The following SYNM variants were observed in gnomAD, a reference collection of about 807,000 sequenced individuals.
SYNM encodes desmuslin.
In SYNM, 95 loss-of-function variants were observed where a neutral mutation model predicts 104.0. That is an observed-to-expected ratio of 0.91 (90% confidence interval 0.77 to 1.08). The LOEUF (loss-of-function observed/expected upper bound fraction) is 1.08, where lower values mean the gene tolerates loss of function less well. SYNM is among the 50% of genes least tolerant of loss of function. The pLI is 0.00. For synonymous variants in SYNM, 918 were observed against 869.0 expected, an observed-to-expected ratio of 1.06 and a Z score of -0.99; for missense variants, 2,150 against 2,052.2, an observed-to-expected ratio of 1.05 and a Z score of -0.92.
chr15:99,139,025 A>AT, downstream of SYNM: 1 of 451,754 alleles, frequency 2.2e-6, no homozygotes, highest in Non-Finnish European at 4.1e-6. Flanking sequence ...GGCCACAGGG[A>AT]TTCCCGGGGC....
rs182920947 is a variant in SYNM, at chr15:99,126,213, G to A, written c.936-509G>A. On this transcript the variant is annotated intron_variant, in intron 2 of 3. Coordinates refer to ENST00000336292, the MANE Select transcript of SYNM (RefSeq NM_145728.3). ...AATGCAGTTTGAAACCACAGATGCA[G>A]TCTGGCTGCCTTATAAGTGTCAGTC... Among the ~76,000 whole-genome samples, 739 of 152,278 alleles carry A rather than the reference G, an allele frequency of 4.9e-3. 16 individuals carry two copies. Among genetic ancestry groups the A allele is most frequent in the Non-Finnish European group, 2.5e-3 (172 of 68,022 alleles).
chr15:99,131,127 A>T lies in SYNM; in HGVS notation c.2767A>T (p.Ile923Phe), dbSNP rs2067500722. 3.1e-6 allele frequency: 5 copies of T among 1,600,000 alleles called. No individual in the cohort carries two copies. Among genetic ancestry groups the T allele is most frequent in the Non-Finnish European group, 4.3e-6 (5 of 1,173,152 alleles). ...TGAATTTCATGCCGAACCCACAGTC[A>T]TTGAAAAAGAAATTAAAATACCCCA... The part of the protein sequence containing the change: ...SGEFHAEPTV[I>F]EKEIKIPHEF... The change falls in exon 4 of 4, where the codon ATT becomes TTT. Residue 923 changes from isoleucine (I) to phenylalanine (F), a missense_variant. Ile to Phe is a conservative substitution (Grantham distance 21). Transcript: ENST00000336292. This position sits in a 1 kb window ranked among gnomAD's most constrained non-coding sequence, Gnocchi z 4.3.
At position 99,105,957 on chromosome 15, in the gene SYNM, ACG is replaced by A; in HGVS notation, c.762_763del (p.Leu255AlafsTer19). The A allele has an allele frequency of 6.6e-7, 1 of 1,519,048 alleles. No individual in the cohort carries two copies. The highest frequency in any genetic ancestry group is 8.8e-7 in the Non-Finnish European group (1 of 1,139,642). 94.1% of individuals were successfully genotyped at this position (1,519,048 alleles called of 1,614,324 possible). On this transcript the variant is annotated frameshift_variant, in exon 1 of 4. Coordinates refer to ENST00000336292, the MANE Select transcript of SYNM (RefSeq NM_145728.3). LOFTEE classifies it high-confidence loss of function. ...GAGCAGCTGCGCGCGCGGCTGGAGG[ACG>A]CGCTGCTGCGGATGCGCGAGGAGTA...
chr15:99,130,112 CCAGGA>C lies in SYNM; in HGVS notation c.1756_1760del (p.Asp586LysfsTer22). 6.2e-7 allele frequency: 1 copy of C among 1,613,824 alleles called. No individual in the cohort carries two copies. Among genetic ancestry groups the C allele is most frequent in the Non-Finnish European group, 8.5e-7 (1 of 1,179,876 alleles). On this transcript the variant is annotated frameshift_variant, in exon 4 of 4. Transcript: ENST00000336292. LOFTEE classifies it high-confidence loss of function. ...AGGTGCCGATTAGTCTAGAAGTATC[CCAGGA>C]CAGAAGAGCAGAGGTGTCCCCGAAA...
rs1555485761 is a variant in SYNM, at chr15:99,131,152, A to C, written c.2792A>C (p.His931Pro). The C allele has an allele frequency of 1.2e-6, 2 of 1,601,710 alleles. No individual in the cohort carries two copies. Among genetic ancestry groups the C allele is most frequent in the African/African-American group, 2.7e-5 (2 of 74,592 alleles). The change falls in exon 4 of 4, where the codon CAC (histidine) becomes CCC (proline). Residue 931 changes from histidine (H) to proline (P), a missense_variant. By Grantham distance (77) the His-to-Pro change is moderately conservative (BLOSUM62 -2). Coordinates refer to ENST00000336292, the MANE Select transcript of SYNM (RefSeq NM_145728.3). The surrounding 1 kb of genome is among the most constrained non-coding windows in gnomAD (Gnocchi z 4.3). ...TVIEKEIKIP[H>P]EFHTSMKGIS... ...ATTGAAAAAGAAATTAAAATACCCCACGAATTCCACACCTCCATGAAGGGC... is the reference window on the plus strand; with the variant it reads ...ATTGAAAAAGAAATTAAAATACCCCCCGAATTCCACACCTCCATGAAGGGC...
Position 99,135,015 on chromosome 15 carries a change from CCTGT to C in SYNM, c.*1961_*1964del, listed in dbSNP as rs1355890469. The C allele has an allele frequency of 6.6e-6, 1 of 152,304 alleles. No individual in the cohort carries two copies. Among genetic ancestry groups the C allele is most frequent in the Non-Finnish European group, 1.5e-5 (1 of 68,036 alleles). 9.4% of individuals were successfully genotyped at this position (152,304 alleles called of 1,614,324 possible). A position where few individuals can be genotyped will look rare whatever the true frequency, so the allele number is the denominator to read the frequency against. ...GAGAATTTGGTCAAGGTGACAGCCT[CCTGT>C]CTGATGACAGGACAGACTGGTGGTG... On this transcript the variant is annotated 3_prime_UTR_variant, in exon 4 of 4. Coordinates refer to ENST00000336292, the MANE Select transcript of SYNM (RefSeq NM_145728.3).
intron 2 of SYNM, among the ~76,000 whole-genome samples, chr15:99,120,818 C>T (rs912494031): frequency 5.7e-4 from 86 of 152,124 alleles, no homozygotes; most frequent in African/African-American, 2.0e-3. Flanking sequence ...TGTGAGCAGA[C>T]ACAGAGGAGA....
chr15:99,130,089 G>T lies in SYNM; in HGVS notation c.1729G>T (p.Val577Leu), dbSNP rs782517714. The change falls in exon 4 of 4, where the codon GTG (valine) becomes TTG (leucine). Residue 577 changes from valine (V) to leucine (L), a missense_variant. Coordinates refer to ENST00000336292, the MANE Select transcript of SYNM (RefSeq NM_145728.3). ...PKEKSVREREVPISLEVSQDR... is the reference protein window; with the variant it reads ...PKEKSVRERELPISLEVSQDR... ...GGAGAAGAGCGTGCGAGAGAGAGAG[G>T]TGCCGATTAGTCTAGAAGTATCCCA... The T allele has an allele frequency of 6.2e-7, 1 of 1,613,892 alleles. No homozygotes were observed. The highest frequency in any genetic ancestry group is 2.2e-5 in the East Asian group (1 of 44,876).
chr15:99,114,193 G>T (rs1555483694), intron 2 of SYNM, among the ~76,000 whole-genome samples: 4 of 152,176 alleles, frequency 2.6e-5, no homozygotes, highest in African/African-American at 9.7e-5. Context: ...ATTCCGCAGG[G>T]CTGGGGAGGC....
rs1017724339 is a variant in SYNM, at chr15:99,132,297, A to G, written c.3937A>G (p.Ile1313Val). 3.1e-6 allele frequency: 5 copies of G among 1,610,720 alleles called. No individual in the cohort carries two copies. Among genetic ancestry groups the G allele is most frequent in the Non-Finnish European group, 4.2e-6 (5 of 1,177,486 alleles). Residue 1313 changes from isoleucine (I) to valine (V), a missense_variant, in exon 4 of 4, where the codon ATT becomes GTT. Physicochemically the swap from Ile to Val is conservative, Grantham distance 29. Transcript: ENST00000336292. ...CAGCACATCCATCAGGCACATCAGC[A>G]TTGGGCCTCAGAGGCATCAGACCAC... ...GSSTSIRHIS[I>V]GPQRHQTTQQ...
chr15:99,113,899 G>C (rs1307861858), intron 2 of SYNM, among the ~76,000 whole-genome samples, 184 bp downstream of exon 2: 2 of 152,214 alleles, frequency 1.3e-5, no homozygotes, highest in Non-Finnish European at 2.9e-5. Context: ...AGTAGGGCTT[G>C]CTTAGGTCAC....
At chr15:99,113,858 C>A in intron 2 of SYNM, 143 bp downstream of exon 2, 2 of 1,307,018 alleles carry the variant, frequency 1.5e-6, no homozygotes, top group Non-Finnish European at 2.1e-6. Flanking sequence ...CATGGCCAGG[C>A]AAGGAGTCCG....
chr15:99,113,720 G>A lies in SYNM; in HGVS notation c.935+5G>A, dbSNP rs781914924. On this transcript the variant is annotated splice_donor_5th_base_variant and intron_variant, in intron 2 of 3. Transcript: ENST00000336292. ...TCTGGAGGTGGCGACCTACCGGTAA[G>A]GAGACTGTGCTGAGTTGGCCTTGAC... is the stretch of plus-strand genomic sequence containing the variant. The A allele has an allele frequency of 3.7e-6, 6 of 1,613,470 alleles. No individual in the cohort carries two copies. Among genetic ancestry groups the A allele is most frequent in the Non-Finnish European group, 5.1e-6 (6 of 1,179,656 alleles).
rs373656981 is a variant in SYNM at position 99,132,796 on chromosome 15, C to T, written c.4436C>T (p.Ala1479Val). 9.9e-6 allele frequency: 16 copies of T among 1,613,828 alleles called. 1 individual carries two copies. In the East Asian group the frequency reaches 1.8e-4, roughly 18 times the overall value. ...GCGATCCGCAGCCGGACACAGGAAG[C>T]GGGAGCTCTCGGTGTGTCTGACCGT... ...VEAIRSRTQEAGALGVSDRGS... is the reference protein window; with the variant it reads ...VEAIRSRTQEVGALGVSDRGS... The change falls in exon 4 of 4, where the codon GCG becomes GTG. Residue 1479 changes from alanine to valine, a missense_variant. Transcript: ENST00000336292.
At chr15:99,115,142 A>G (rs2067335503) in intron 2 of SYNM, among the ~76,000 whole-genome samples, 1 of 152,136 alleles carries the variant, frequency 6.6e-6, no homozygotes, top group African/African-American at 2.4e-5. Context: ...ATCCCCACCA[A>G]GCCGTGTAAA....
In SYNM at chr15:99,129,613, C is replaced by T. The variant is rs1555485423; in HGVS notation, c.1253C>T (p.Ala418Val). ...TTQQENSYGK[A>V]VSSQTNVRTF... is the part of the protein sequence containing the mutation. The stretch of plus-strand genomic sequence containing the variant: ...CAGCAGGAAAACTCATACGGAAAAG[C>T]CGTCAGCAGTCAAACCAACGTCAGA... The change falls in exon 4 of 4, where the codon GCC (alanine) becomes GTC (valine). Residue 418 changes from alanine to valine, a missense_variant. By Grantham distance (64) the Ala-to-Val change is moderately conservative. Transcript: ENST00000336292. The T allele has an allele frequency of 1.2e-6, 2 of 1,613,920 alleles. No homozygotes were observed. The highest frequency in any genetic ancestry group is 3.3e-5 in the Admixed American group (2 of 60,020).
Position 99,131,445 on chromosome 15 carries a change from A to G in SYNM, c.3085A>G (p.Lys1029Glu). The stretch of plus-strand genomic sequence containing the variant: ...CAAAGATGAGGCCAGTGAGATGGAG[A>G]AGGCTGTGGAGTCGGTGGTTCGGGA... ...LSKDEASEME[K>E]AVESVVRESL... Residue 1029 changes from lysine to glutamate, a missense_variant, in exon 4 of 4, where the codon AAG becomes GAG. By Grantham distance (56) the Lys-to-Glu change is moderately conservative. Transcript: ENST00000336292. The surrounding 1 kb of genome is among the most constrained non-coding windows in gnomAD (Gnocchi z 4.3). 6.2e-7 allele frequency: 1 copy of G among 1,608,612 alleles called. No individual in the cohort carries two copies.
intron 1 of SYNM, among the ~76,000 whole-genome samples, chr15:99,112,011 T>G (rs1165114036): frequency 2.0e-5 from 3 of 152,252 alleles, no homozygotes; most frequent in Non-Finnish European, 4.4e-5. Context: ...ATTGTGCCAT[T>G]GCACTCCAGC....
rs1555486020 is a variant in SYNM, at chr15:99,132,010, CAG to C, written c.3651_3652del (p.Gly1218GlufsTer13). ...GAGTCTTCTGCAGATATGGACGGAT[CAG>C]GGAGGCACAGCACATTTGGCTGCAG... On this transcript the variant is annotated frameshift_variant, in exon 4 of 4. Coordinates refer to ENST00000336292, the MANE Select transcript of SYNM (RefSeq NM_145728.3). LOFTEE classifies it high-confidence loss of function. 1.9e-6 allele frequency: 3 copies of C among 1,613,938 alleles called. No homozygotes were observed. Among genetic ancestry groups the C allele is most frequent in the Non-Finnish European group, 2.5e-6 (3 of 1,179,904 alleles).
Sources: allele counts gnomAD v4.1 joint callset (sites outside exome capture counted in the v4.1 genomes callset), GRCh38; gene constraint gnomAD v4.1.1; non-coding constraint Gnocchi (gnomAD v3.1); transcripts MANE v1.5; gene names NCBI Gene and HGNC (gene_info 2026-07-23, HGNC 2026-07-21).